PGBD1: variants seen among roughly 807,000 people sequenced by gnomAD.
The protein encoded by PGBD1 is piggyBac transposable element-derived protein 1.
A neutral mutation model predicts 34.7 loss-of-function variants in PGBD1; 25 were observed. The ratio of observed to expected loss-of-function variants is 0.72; its 90% CI spans 0.52 to 1.00. The LOEUF is 1.00. PGBD1 is among the 50% of genes least tolerant of loss of function. The pLI, the probability that PGBD1 is intolerant of heterozygous loss-of-function variation, is 0.00. For missense variants in PGBD1, 830 were observed against 959.4 expected (o/e 0.87, Z 1.78); for synonymous variants, 292 against 335.7 (o/e 0.87, Z 1.42).
intron 5 of PGBD1, 50 bp from the exon 6 acceptor site, chr6:28,297,845 T>TTTAAAAAAAAAAA: frequency 7.1e-6 from 2 of 283,632 alleles, no homozygotes; most frequent in Admixed American, 4.8e-5. Flanking sequence ...TTTTTTTTTT[T>TTTAAAAAAAAAAA]CAAAATTCAC....
chr6:28,282,761 C>T (rs976362187), intron 1 of PGBD1, among the ~76,000 whole-genome samples: 1 of 152,186 alleles, frequency 6.6e-6, no homozygotes, highest in South Asian at 2.1e-4. Context: ...AGTAGAGGCC[C>T]ACAGCTGCTG....
Position 28,302,514 on chromosome 6 carries a change from TG to T in PGBD1, c.*231del. 2.1e-6 allele frequency: 1 copy of T among 466,378 alleles called. No individual in the cohort carries two copies. The highest frequency in any genetic ancestry group is 3.7e-6 in the Non-Finnish European group (1 of 268,196). The allele number at this position is 466,378 out of a possible 1,614,324, so 28.9% of individuals were successfully genotyped here. A position where few individuals can be genotyped will look rare whatever the true frequency, so the allele number is the denominator to read the frequency against. Reference sequence around the variant, plus strand: ...GTACCTTTCTCTATGTCAAGTTTTGTGTCAGACATGGGAAATCATGTATTTG... The same window carrying T: ...GTACCTTTCTCTATGTCAAGTTTTGTTCAGACATGGGAAATCATGTATTTG... On this transcript the variant is annotated 3_prime_UTR_variant, in exon 7 of 7. Transcript: ENST00000682144.
In PGBD1 at chr6:28,301,479, A is replaced by G; in HGVS notation, c.1625A>G (p.Tyr542Cys). The part of the protein sequence containing the change: ...NFLLYAPLEE[Y>C]YCFDKSMCEC... ...CTCTTGTATGCTCCCCTGGAAGAAT[A>G]CTATTGCTTTGATAAGTCAATGTGT... Residue 542 changes from tyrosine (Y) to cysteine (C), a missense_variant, in exon 7 of 7, where the codon TAC (tyrosine) becomes TGC (cysteine). By Grantham distance (194) the Tyr-to-Cys change is radical. Transcript: ENST00000682144. 3.1e-6 allele frequency: 5 copies of G among 1,614,044 alleles called. No individual in the cohort carries two copies. The highest frequency in any genetic ancestry group is 4.2e-6 in the Non-Finnish European group (5 of 1,179,976).
rs1193107982 is a variant in PGBD1, at chr6:28,301,628, A to G, written c.1774A>G (p.Met592Val). ...WFEPYQEEST[M>V]KVDEDPDLGL... ...TGAACCCTATCAAGAAGAATCAACT[A>G]TGAAGGTAGATGAGGATCCTGATCT... The change falls in exon 7 of 7, where the codon ATG becomes GTG. Residue 592 changes from methionine (M) to valine (V), a missense_variant. By Grantham distance (21) the Met-to-Val change is conservative (BLOSUM62 1). This residue lies in a region of PGBD1 where 372 missense variants were observed against 427.9 expected (regional missense o/e 0.87). Transcript: ENST00000682144. 3 of 1,614,058 alleles carry G rather than the reference A, an allele frequency of 1.9e-6. No homozygotes were observed. The highest frequency in any genetic ancestry group is 2.5e-6 in the Non-Finnish European group (3 of 1,180,014).
intron 4 of PGBD1, among the ~76,000 whole-genome samples, chr6:28,292,464 G>A (rs1205229021): frequency 2.0e-5 from 3 of 151,560 alleles, no homozygotes; most frequent in Non-Finnish European, 4.4e-5. Flanking sequence ...TTATAATTTA[G>A]CATTTAATTA....
chr6:28,299,726 G>A (rs1762764461), intron 6 of PGBD1, among the ~76,000 whole-genome samples: 1 of 152,014 alleles, frequency 6.6e-6, no homozygotes, highest in Non-Finnish European at 1.5e-5. Context: ...TTTTCAGTTG[G>A]GTGCAGTGGC....
intron 4 of PGBD1, among the ~76,000 whole-genome samples, chr6:28,290,818 G>T (rs539174004): frequency 2.0e-5 from 3 of 152,192 alleles, no homozygotes; most frequent in African/African-American, 4.8e-5. Flanking sequence ...ACACAAACGC[G>T]TGGAAATTAA....
Position 28,300,867 on chromosome 6 carries a change from T to C in PGBD1, c.1013T>C (p.Ile338Thr). The C allele has an allele frequency of 6.2e-7, 1 of 1,614,028 alleles. No individual in the cohort carries two copies. The highest frequency in any genetic ancestry group is 1.1e-5 in the South Asian group (1 of 91,068). ...ISSLEYAAGDITRKGRKKDKA... is the reference protein window; with the variant it reads ...ISSLEYAAGDTTRKGRKKDKA... ...TCCCTGGAATATGCTGCAGGAGACATTACCCGAAAAGGGAGAAAAAAAGAC... is the reference window on the plus strand; with the variant it reads ...TCCCTGGAATATGCTGCAGGAGACACTACCCGAAAAGGGAGAAAAAAAGAC... The change falls in exon 7 of 7, where the codon ATT becomes ACT. Residue 338 changes from isoleucine (I) to threonine (T), a missense_variant. Ile to Thr is a moderately conservative substitution (Grantham distance 89). This residue lies in a region of PGBD1 where 457 missense variants were observed against 515.4 expected (regional missense o/e 0.89). Coordinates refer to ENST00000682144, the MANE Select transcript of PGBD1 (RefSeq NM_032507.4). This position sits in a 1 kb window ranked among gnomAD's most constrained non-coding sequence, Gnocchi z 4.0.
At chr6:28,289,022 T>G (rs1762370468) in intron 4 of PGBD1, among the ~76,000 whole-genome samples, 1 of 151,784 alleles carries the variant, frequency 6.6e-6, no homozygotes, top group Non-Finnish European at 1.5e-5. Context: ...TAAAAATAAA[T>G]TTTAAAAATA....
In PGBD1 at chr6:28,301,666, A is replaced by T; in HGVS notation, c.1812A>T (p.Gly604=). The stretch of plus-strand genomic sequence containing the variant: ...AGGATCCTGATCTTGGGTTAGGTGG[A>T]AATCTAGTGATGAACTTCGCTGATG... ...VDEDPDLGLG[G]NLVMNFADVL... is the part of the protein sequence containing the mutation. Residue 604 remains glycine, a synonymous_variant, in exon 7 of 7, where the codon GGA becomes GGT. Coordinates refer to ENST00000682144, the MANE Select transcript of PGBD1 (RefSeq NM_032507.4). The T allele has an allele frequency of 1.2e-6, 2 of 1,614,202 alleles. No homozygotes were observed. Among genetic ancestry groups the T allele is most frequent in the African/African-American group, 1.3e-5 (1 of 75,052 alleles).
chr6:28,284,403 C>G (rs984734854), intron 2 of PGBD1, among the ~76,000 whole-genome samples, 194 bp downstream of exon 2: 9 of 141,564 alleles, frequency 6.4e-5, no homozygotes, highest in African/African-American at 2.6e-4. Flanking sequence ...TGTGTACACA[C>G]TCGTACAAGG....
intron 4 of PGBD1, among the ~76,000 whole-genome samples, chr6:28,288,107 TATAGGTGGAC>T (rs1327853218): frequency 6.6e-6 from 1 of 152,104 alleles, no homozygotes; most frequent in African/African-American, 2.4e-5. Context: ...AGAGCAATGG[TATAGGTGGAC>T]AGTGAAATGA....
intron 4 of PGBD1, among the ~76,000 whole-genome samples, chr6:28,295,938 A>G (rs1762615783): frequency 6.6e-6 from 1 of 151,220 alleles, no homozygotes; most frequent in Non-Finnish European, 1.5e-5. Context: ...CTGTCTTGAA[A>G]CCCCCTCCTT....
chr6:28,296,929 G>T lies in PGBD1; in HGVS notation c.756G>T (p.Met252Ile). Residue 252 changes from methionine to isoleucine, a missense_variant, in exon 5 of 7, where the codon ATG becomes ATT. Physicochemically the swap from Met to Ile is conservative, Grantham distance 10. Transcript: ENST00000682144. The part of the protein sequence containing the change: ...LCGNSAQETV[M>I]SLSPMTEEIV... ...GGAACTCAGCTCAGGAGACAGTTAT[G>T]AGCCTCAGTCCGATGAGTAAGGCCA... is the stretch of plus-strand genomic sequence containing the variant. 1 of 1,614,096 alleles carries T rather than the reference G, an allele frequency of 6.2e-7. No individual in the cohort carries two copies. The highest frequency in any genetic ancestry group is 8.5e-7 in the Non-Finnish European group (1 of 1,179,990).
chr6:28,298,107 C>T, intron 6 of PGBD1, 116 bp downstream of exon 6: 1 of 749,130 alleles, frequency 1.3e-6, no homozygotes, highest in South Asian at 1.6e-5. Flanking sequence ...TGACAACTGC[C>T]ACTCACTTCT....
At chr6:28,299,687 A>T (rs960638373) in intron 6 of PGBD1, among the ~76,000 whole-genome samples, 1 of 152,198 alleles carries the variant, frequency 6.6e-6, no homozygotes, top group African/African-American at 2.4e-5. Context: ...CACATGTCTA[A>T]AAATTAAAAA....
chr6:28,287,065 CCT>C lies in PGBD1; in HGVS notation c.554-6_554-5del, dbSNP rs770252329. ...ATCATGTCTCATTTAGGACTCTTGC[CCT>C]CTCTCTCTGCAGGGCCTGTTCCCCA... On this transcript the variant is annotated splice_polypyrimidine_tract_variant and intron_variant, in intron 3 of 6. Transcript: ENST00000682144. 2 of 1,603,480 alleles carry C rather than the reference CCT, an allele frequency of 1.2e-6. No homozygotes were observed. Among genetic ancestry groups the C allele is most frequent in the Non-Finnish European group, 1.7e-6 (2 of 1,170,492 alleles).
intron 4 of PGBD1, among the ~76,000 whole-genome samples, chr6:28,295,146 C>A (rs1762589012): frequency 6.6e-6 from 1 of 152,152 alleles, no homozygotes; most frequent in African/African-American, 2.4e-5. Context: ...AGTGTAGCTG[C>A]AGATGTGGTG....
chr6:28,300,170 A>G lies in PGBD1; in HGVS notation c.870-554A>G, dbSNP rs73742515. Reference sequence around the variant, plus strand: ...GAACTAGCAGGGGCTAAGTCCTTCCATGTTCAGAAATTCTGTGAGAGATGT... The same window carrying G: ...GAACTAGCAGGGGCTAAGTCCTTCCGTGTTCAGAAATTCTGTGAGAGATGT... On this transcript the variant is annotated intron_variant, in intron 6 of 6. Coordinates refer to ENST00000682144, the MANE Select transcript of PGBD1 (RefSeq NM_032507.4). The surrounding 1 kb of genome is among the most constrained non-coding windows in gnomAD (Gnocchi z 4.0). Among the ~76,000 whole-genome samples the G allele has an allele frequency of 0.019, 2,897 of 152,274 alleles. 35 individuals are homozygous for G. The highest frequency in any genetic ancestry group is 0.048 in the African/African-American group (1,974 of 41,550).
Sources: allele counts gnomAD v4.1 joint callset (sites outside exome capture counted in the v4.1 genomes callset), GRCh38; gene constraint gnomAD v4.1.1; regional missense constraint gnomAD v4.1.1; non-coding constraint Gnocchi (gnomAD v3.1); transcripts MANE v1.5; gene names NCBI Gene and HGNC (gene_info 2026-07-23, HGNC 2026-07-21).